The following CEP41 variants were observed in gnomAD, a reference collection of about 807,000 sequenced individuals.
CEP41 encodes the protein centrosomal protein 41.
Under a neutral mutation model 44.3 loss-of-function variants are expected in CEP41, and 32 were observed. That is an observed-to-expected ratio of 0.72 (90% CI 0.54 to 0.97). The LOEUF (loss-of-function observed/expected upper bound fraction) is 0.97. Ranked by LOEUF, CEP41 falls within the 50% of genes least tolerant of loss-of-function variation. The pLI, the probability that CEP41 is intolerant of heterozygous loss-of-function variation, is 0.00. For missense variants in CEP41, 432 were observed against 455.2 expected (o/e 0.95, Z 0.46); for synonymous variants, 151 against 168.5 (o/e 0.90, Z 0.80).
At chr7:130,401,228 G>T (rs1170547157) in intron 8 of CEP41, 1 of 214,010 alleles carries the variant, frequency 4.7e-6, no homozygotes, top group Non-Finnish European at 9.5e-6. Context: ...CCAAAATAAA[G>T]GAATATTTTA....
In CEP41 at chr7:130,398,548, G is replaced by T; in HGVS notation, c.*343C>A. ...AAGTATTTACAAAACAACACAGAGAGACCCAACAAGCTGGACCTTATTAAA... is the reference window on the plus strand; with the variant it reads ...AAGTATTTACAAAACAACACAGAGATACCCAACAAGCTGGACCTTATTAAA... On this transcript the variant is annotated 3_prime_UTR_variant, in exon 11 of 11. Coordinates refer to ENST00000223208, the MANE Select transcript of CEP41 (RefSeq NM_018718.3). 1 of 470,852 alleles carries T rather than the reference G, an allele frequency of 2.1e-6. No individual in the cohort carries two copies. Among genetic ancestry groups the T allele is most frequent in the South Asian group, 1.5e-5 (1 of 64,600 alleles). The allele number at this position is 470,852 out of a possible 1,614,324, so 29.2% of individuals were successfully genotyped here.
chr7:130,398,643 G>A lies in CEP41; in HGVS notation c.*248C>T, dbSNP rs782449275. 1.3e-5 allele frequency: 9 copies of A among 682,456 alleles called. No homozygotes were observed. The highest frequency in any genetic ancestry group is 1.8e-5 in the African/African-American group (1 of 57,094). The allele number at this position is 682,456 out of a possible 1,614,324, so 42.3% of individuals were successfully genotyped here. ...ATACAGTTTCACAAGACTTAAATATGCTGTAAACAACAGGGAGGAGACTAG... is the reference window on the plus strand; with the variant it reads ...ATACAGTTTCACAAGACTTAAATATACTGTAAACAACAGGGAGGAGACTAG... On this transcript the variant is annotated 3_prime_UTR_variant, in exon 11 of 11. Coordinates refer to ENST00000223208, the MANE Select transcript of CEP41 (RefSeq NM_018718.3).
In CEP41 at chr7:130,435,847, T is replaced by C. The variant is rs531945430; in HGVS notation, c.33+5087A>G. 3.9e-5 allele frequency among the ~76,000 whole-genome samples: 6 copies of C among 152,260 alleles called. No homozygotes were observed. The South Asian group carries it at 1.0e-3, about 26-fold the overall frequency. On this transcript the variant is annotated intron_variant, in intron 1 of 10. Coordinates refer to ENST00000223208, the MANE Select transcript of CEP41 (RefSeq NM_018718.3). Reference sequence around the variant, plus strand: ...TGACAACCAAAATGTCCTATACTAGTTGAATGGTTAAAAAACTGCTGTACA... The same window carrying C: ...TGACAACCAAAATGTCCTATACTAGCTGAATGGTTAAAAAACTGCTGTACA...
chr7:130,402,850 A>G (rs1226325175), intron 6 of CEP41, 51 bp from the exon 7 acceptor site: 1 of 1,596,784 alleles, frequency 6.3e-7, no homozygotes, highest in African/African-American at 1.3e-5. Flanking sequence ...TTGGTGGCTT[A>G]AAGGTCGAAC....
At chr7:130,436,072 T>C (rs1554426057) in intron 1 of CEP41, among the ~76,000 whole-genome samples, 1 of 152,180 alleles carries the variant, frequency 6.6e-6, no homozygotes. Context: ...GAGAATCACT[T>C]GAACCCAGGC....
At chr7:130,406,410 C>T in intron 5 of CEP41, among the ~76,000 whole-genome samples, 1 of 151,916 alleles carries the variant, frequency 6.6e-6, no homozygotes, top group Non-Finnish European at 1.5e-5. Context: ...ATAGCGAAAC[C>T]CCATCTCTAC....
At chr7:130,399,824 A>AAC (rs1452521393) in intron 10 of CEP41, 4 of 522,616 alleles carry the variant, frequency 7.7e-6, no homozygotes, top group Non-Finnish European at 1.4e-5. Context: ...TGTCTCAAAA[A>AAC]AAAAAAAAGT....
chr7:130,419,685 C>G, intron 2 of CEP41: 1 of 985,302 alleles, frequency 1.0e-6, no homozygotes, highest in South Asian at 4.7e-5. Context: ...TGCTTCCTAA[C>G]TAAAGCTGAA....
At chr7:130,402,935 G>A (rs1284477852) in intron 6 of CEP41, 136 bp from the exon 7 acceptor site, 20 of 906,608 alleles carry the variant, frequency 2.2e-5, no homozygotes, top group South Asian at 1.3e-4. Context: ...GAAAATGGAC[G>A]TGGTGTCTCA....
chr7:130,402,737 T>C lies in CEP41; in HGVS notation c.485A>G (p.His162Arg), dbSNP rs1796890458. ...DKGPVKKAEP[H>R]TKDKPYPDCP... ...GTCAGGATAAGGTTTGTCTTTGGTATGGGGCTCTGCTTTCTTCACTGGCCC... is the reference window on the plus strand; with the variant it reads ...GTCAGGATAAGGTTTGTCTTTGGTACGGGGCTCTGCTTTCTTCACTGGCCC... The change falls in exon 7 of 11, where the codon CAT becomes CGT. Residue 162 changes from histidine (H) to arginine (R), a missense_variant. By Grantham distance (29) the His-to-Arg change is conservative. Transcript: ENST00000223208. The C allele has an allele frequency of 5.6e-6, 9 of 1,614,158 alleles. No individual in the cohort carries two copies. The East Asian group carries it at 1.8e-4, about 32-fold the overall frequency.
Position 130,400,210 on chromosome 7 carries a change from C to G in CEP41, c.802G>C (p.Gly268Arg), listed in dbSNP as rs781836610. ...TGCTGGCAAGATGCTGGCAGGGAAC[C>G]AGTAATCAGTCCTTCCGGGAATTTC... The part of the protein sequence containing the change: ...AQKFPEGLIT[G>R]SLPASCQQAL... Residue 268 changes from glycine to arginine, a missense_variant, in exon 10 of 11, where the codon GGT becomes CGT. By Grantham distance (125) the Gly-to-Arg change is moderately radical (BLOSUM62 -2). Transcript: ENST00000223208. The G allele has an allele frequency of 1.9e-6, 3 of 1,613,920 alleles. No homozygotes were observed.
chr7:130,428,913 A>AT (rs1797744592), intron 1 of CEP41, among the ~76,000 whole-genome samples: 1 of 150,598 alleles, frequency 6.6e-6, no homozygotes. Flanking sequence ...TCTGTCTCAA[A>AT]AAAATAAATA....
Position 130,396,009 on chromosome 7 carries a change from AGCTTTCTCCTTTCTCTCTC to A in CEP41, c.*2863_*2881del, listed in dbSNP as rs1554414371. The A allele has an allele frequency of 2.2e-6, 1 of 453,994 alleles. No homozygotes were observed. Among genetic ancestry groups the A allele is most frequent in the East Asian group, 6.9e-5 (1 of 14,396 alleles). The allele number at this position is 453,994 out of a possible 1,614,324, so 28.1% of individuals were successfully genotyped here. A position where few individuals can be genotyped will look rare whatever the true frequency, so the allele number is the denominator to read the frequency against. On this transcript the variant is annotated 3_prime_UTR_variant, in exon 11 of 11. Coordinates refer to ENST00000223208, the MANE Select transcript of CEP41 (RefSeq NM_018718.3). ...CCTTTTGTTTTCAAATAAGTAATGT[AGCTTTCTCCTTTCTCTCTC>A]GCTTTCTGCTTCTTTTCTTCTCTCT...
At chr7:130,429,163 C>T (rs1797754267) in intron 1 of CEP41, among the ~76,000 whole-genome samples, 1 of 152,096 alleles carries the variant, frequency 6.6e-6, no homozygotes, top group African/African-American at 2.4e-5. Context: ...TGCAGGGATC[C>T]AGCCCTAAGC....
chr7:130,437,384 A>T (rs951620720), intron 1 of CEP41, among the ~76,000 whole-genome samples: 2 of 151,068 alleles, frequency 1.3e-5, no homozygotes, highest in Admixed American at 1.3e-4. Context: ...AAGGTTCCAC[A>T]AGCTTCCTGA....
In CEP41 at chr7:130,395,522, T is replaced by C. The variant is rs1554414127; in HGVS notation, c.*3369A>G. On this transcript the variant is annotated 3_prime_UTR_variant, in exon 11 of 11. Transcript: ENST00000223208. ...AGGTGGTCATGGATTTAAATCCAGG[T>C]GGACAGAAACTAATTATTCGCTCTA... 2.2e-6 allele frequency: 1 copy of C among 454,078 alleles called. No homozygotes were observed. The highest frequency in any genetic ancestry group is 6.9e-5 in the East Asian group (1 of 14,402). The allele number at this position is 454,078 out of a possible 1,614,324, so 28.1% of individuals were successfully genotyped here.
rs993308872 is a variant in CEP41, at chr7:130,395,037, T to C, written c.*3854A>G. The C allele has an allele frequency of 8.8e-6, 4 of 453,942 alleles. No homozygotes were observed. The highest frequency in any genetic ancestry group is 8.0e-5 in the African/African-American group (4 of 49,988). 28.1% of individuals were successfully genotyped at this position (453,942 alleles called of 1,614,324 possible). Reference sequence around the variant, plus strand: ...GGGATCACAATGTGACAGACACCGTTTCGAAAACACATAAAATCATGCACC... The same window carrying C: ...GGGATCACAATGTGACAGACACCGTCTCGAAAACACATAAAATCATGCACC... On this transcript the variant is annotated 3_prime_UTR_variant, in exon 11 of 11. Coordinates refer to ENST00000223208, the MANE Select transcript of CEP41 (RefSeq NM_018718.3).
At chr7:130,440,756 A>C in intron 1 of CEP41, 178 bp downstream of exon 1, 1 of 712,462 alleles carries the variant, frequency 1.4e-6, no homozygotes, top group African/African-American at 1.8e-5. Context: ...GGGGTCCTGA[A>C]CGCTGCCCCG....
chr7:130,440,350 T>C lies in CEP41; in HGVS notation c.33+584A>G, dbSNP rs1253973298. ...CGCAATTTATTAAAGGGCAGAGGCC[T>C]TGTCTTCTTTGTACGTCTAGCACCT... On this transcript the variant is annotated intron_variant, in intron 1 of 10. Transcript: ENST00000223208. Among the ~76,000 whole-genome samples the C allele has an allele frequency of 2.6e-5, 4 of 152,204 alleles. No homozygotes were observed. In the East Asian group the frequency reaches 7.7e-4, roughly 29 times the overall value.
Sources: gnomAD v4.1 joint callset for allele counts (sites outside exome capture counted in the v4.1 genomes callset) on GRCh38, gnomAD v4.1.1 for gene constraint, MANE v1.5 for transcripts, NCBI Gene and HGNC (gene_info 2026-07-23, HGNC 2026-07-21) for gene names.